The following TAF6 variants were observed in gnomAD, a reference collection of about 807,000 sequenced individuals.
The protein encoded by TAF6 is TATA-box binding protein associated factor 6.
In TAF6, 50 loss-of-function variants were observed where a neutral mutation model predicts 73.5. The ratio of observed to expected loss-of-function variants is 0.68; its 90% CI spans 0.54 to 0.86. The LOEUF (loss-of-function observed/expected upper bound fraction) is 0.86, where lower values mean the gene tolerates loss of function less well. TAF6 is among the 40% of genes least tolerant of loss of function. The probability of loss-of-function intolerance (pLI) is 0.00; values close to 1 mark genes in which losing one functional copy is unlikely to be tolerated. For synonymous variants in TAF6, 424 were observed against 376.7 expected, an observed-to-expected ratio of 1.13 and a Z score of -1.45; for missense variants, 768 against 899.5, an observed-to-expected ratio of 0.85 and a Z score of 1.87.
upstream of TAF6, chr7:100,119,361 T>C (rs1251015496): frequency 7.7e-6 from 8 of 1,043,100 alleles, no homozygotes; most frequent in Non-Finnish European, 8.1e-6. Context: ...CCCCGCCCCC[T>C]CGTGGGAGCA....
At chr7:100,112,974 G>A in intron 5 of TAF6, 57 bp from the exon 6 acceptor site, 1 of 1,569,514 alleles carries the variant, frequency 6.4e-7, no homozygotes, top group African/African-American at 1.4e-5. Flanking sequence ...AAAGTAAAAG[G>A]TGGGAGGAGG....
In TAF6 at chr7:100,113,717, C is replaced by A. The variant is rs768242335; in HGVS notation, c.296G>T (p.Gly99Val). 4 of 1,613,934 alleles carry A rather than the reference C, an allele frequency of 2.5e-6. No individual in the cohort carries two copies. Among genetic ancestry groups the A allele is most frequent in the African/African-American group, 2.7e-5 (2 of 74,860 alleles). ...ATAGAAGTAAAGCTCCCGGCCCCCA[C>A]CAGAGGCGAAGCGGAAAGGAATGAA... is the stretch of plus-strand genomic sequence containing the variant. ...QEFIPFRFAS[G>V]GGRELYFYEE... The change falls in exon 4 of 15, where the codon GGT becomes GTT. Residue 99 changes from glycine to valine, a missense_variant. By Grantham distance (109) the Gly-to-Val change is moderately radical. Coordinates refer to ENST00000453269, the MANE Select transcript of TAF6 (RefSeq NM_139315.3).
At chr7:100,114,364 G>T (rs569691228) in intron 1 of TAF6, 96 bp from the exon 2 acceptor site, 1 of 1,230,016 alleles carries the variant, frequency 8.1e-7, no homozygotes, top group South Asian at 1.3e-5. Flanking sequence ...GAGGAACTCC[G>T]AGTGTCTTAT....
rs913475711 is a variant in TAF6, at chr7:100,113,877, C to G, written c.234G>C (p.Lys78Asn). The G allele has an allele frequency of 1.6e-5, 25 of 1,612,592 alleles. No homozygotes were observed. Among genetic ancestry groups the G allele is most frequent in the East Asian group, 2.2e-5 (1 of 44,850 alleles). The change falls in exon 3 of 15, where the codon AAG becomes AAC. Residue 78 changes from lysine (K) to asparagine (N), a missense_variant. Physicochemically the swap from Lys to Asn is moderately conservative, Grantham distance 94. Transcript: ENST00000453269. ...TSDIDYALKL[K>N]NVEPLYGFHA... is the part of the protein sequence containing the mutation. ...TGTCTCCCCAAATCACCTCGACATT[C>G]TTTAGCTTCAAGGCGTAGTCAATGT...
the TAF6 span, among the ~76,000 whole-genome samples, chr7:100,126,241 C>T: frequency 2.0e-5 from 3 of 152,188 alleles, no homozygotes; most frequent in African/African-American, 7.2e-5. Flanking sequence ...ACTCGGGAGG[C>T]TGAGACAGGA....
Position 100,117,897 on chromosome 7 carries a change from G to A in TAF6, c.-60+1307C>T, listed in dbSNP as rs562952880. 2.0e-5 allele frequency among the ~76,000 whole-genome samples: 3 copies of A among 151,940 alleles called. No individual in the cohort carries two copies. In the East Asian group the frequency reaches 5.9e-4, roughly 30 times the overall value. ...CTCTACTAAAAAATAGAAAAAATTAGCCAGGCATGGTGGCAGGCACCTATA... is the reference window on the plus strand; with the variant it reads ...CTCTACTAAAAAATAGAAAAAATTAACCAGGCATGGTGGCAGGCACCTATA... On this transcript the variant is annotated intron_variant, in intron 1 of 14. Transcript: ENST00000453269.
Position 100,107,984 on chromosome 7 carries a change from G to A in TAF6, c.1598C>T (p.Pro533Leu), listed in dbSNP as rs1412178795. ...CATTACAATAAACTTGGTTGGAGGA[G>A]GGGAAGGCTGTGGTGGGGCAGCCGC... ...ARAAAPPQPSPPPTKFIVMSS... is the reference protein window; with the variant it reads ...ARAAAPPQPSLPPTKFIVMSS... Residue 533 changes from proline to leucine, a missense_variant, in exon 14 of 15, where the codon CCT becomes CTT. Around this residue, in one of 5 missense-constraint regions of TAF6, gnomAD observed 350 missense variants for 352.3 expected, o/e 0.99. Coordinates refer to ENST00000453269, the MANE Select transcript of TAF6 (RefSeq NM_139315.3). 6.2e-7 allele frequency: 1 copy of A among 1,614,072 alleles called. No homozygotes were observed. The highest frequency in any genetic ancestry group is 8.5e-7 in the Non-Finnish European group (1 of 1,180,000).
At chr7:100,119,612 C>G, upstream of TAF6, 1 of 1,570,408 alleles carries the variant, frequency 6.4e-7, no homozygotes, top group African/African-American at 1.4e-5. Flanking sequence ...CCTTGTTGGG[C>G]TGATCCTGCG....
intron 10 of TAF6, 144 bp downstream of exon 10, chr7:100,110,995 A>G (rs1310765536): frequency 5.4e-6 from 4 of 742,830 alleles, no homozygotes; most frequent in Middle Eastern, 4.2e-4. Flanking sequence ...AAAAAAAAAA[A>G]GGTATTACAG....
rs200872613 is a variant in TAF6, at chr7:100,112,216, G to T, written c.612C>A (p.Ala204=). The T allele has an allele frequency of 1.6e-5, 26 of 1,614,036 alleles. No homozygotes were observed. Among genetic ancestry groups the T allele is most frequent in the Non-Finnish European group, 2.0e-5 (24 of 1,180,028 alleles). ...TGCTCCGGGGCTTCAGTCGCAAGGG[G>T]GCCCCCTCCAGCAAGGGCGGCGCCT... ...EKKAPPLLEG[A]PLRLKPRSIH... Residue 204 remains alanine (A), a synonymous_variant, in exon 7 of 15, where the codon GCC becomes GCA. Transcript: ENST00000453269.
At position 100,112,889 on chromosome 7, in the gene TAF6, G is replaced by A. The variant is rs1228963818; in HGVS notation, c.483C>T (p.Ala161=). 8 of 1,613,574 alleles carry A rather than the reference G, an allele frequency of 5.0e-6. No individual in the cohort carries two copies. In the South Asian group the frequency reaches 8.8e-5, roughly 18 times the overall value. The change falls in exon 6 of 15, where the codon GCC becomes GCT. Residue 161 remains alanine (A), a synonymous_variant. Coordinates refer to ENST00000453269, the MANE Select transcript of TAF6 (RefSeq NM_139315.3). ...PAPKEQQKAE[A]TEPLKSAKPG... ...GCTTGGCTGACTTCAGGGGTTCTGTGGCTTCAGCCTTCTGTTGCTCTTTGG... is the reference window on the plus strand; with the variant it reads ...GCTTGGCTGACTTCAGGGGTTCTGTAGCTTCAGCCTTCTGTTGCTCTTTGG...
In TAF6 at chr7:100,113,423, G is replaced by A; in HGVS notation, c.398-18C>T. ...CCAATGAGCTGCAAGGAAGGCAGGT[G>A]TCAAGGTGAATTGCCACGCATGGAC... On this transcript the variant is annotated intron_variant, in intron 4 of 14. Transcript: ENST00000453269. The A allele has an allele frequency of 1.3e-6, 2 of 1,570,070 alleles. No homozygotes were observed. The highest frequency in any genetic ancestry group is 8.6e-7 in the Non-Finnish European group (1 of 1,157,976).
At chr7:100,118,955 C>A (rs1331161501) in intron 1 of TAF6, 4 of 985,284 alleles carry the variant, frequency 4.1e-6, no homozygotes, top group Non-Finnish European at 4.8e-6. Context: ...TCCTTCAATA[C>A]CCGGCGGTAC....
At chr7:100,108,566 A>G (rs1562921017) in intron 12 of TAF6, 26 bp from the exon 13 acceptor site, 1 of 1,576,144 alleles carries the variant, frequency 6.3e-7, no homozygotes, top group East Asian at 2.3e-5. Context: ...AAAGCCAGGT[A>G]GAGGGAGGGC....
At position 100,112,212 on chromosome 7, in the gene TAF6, A is replaced by C; in HGVS notation, c.616T>G (p.Leu206Val). The C allele has an allele frequency of 6.2e-7, 1 of 1,614,160 alleles. No homozygotes were observed. The highest frequency in any genetic ancestry group is 8.5e-7 in the Non-Finnish European group (1 of 1,180,018). Residue 206 changes from leucine to valine, a missense_variant, in exon 7 of 15, where the codon TTG becomes GTG. By Grantham distance (32) the Leu-to-Val change is conservative. Transcript: ENST00000453269. Reference protein sequence around the residue: ...KAPPLLEGAPLRLKPRSIHEL... With the variant: ...KAPPLLEGAPVRLKPRSIHEL... ...TGGATGCTCCGGGGCTTCAGTCGCA[A>C]GGGGGCCCCCTCCAGCAAGGGCGGC... is the stretch of plus-strand genomic sequence containing the variant.
chr7:100,110,832 A>G (rs1234604635), intron 10 of TAF6, among the ~76,000 whole-genome samples: 3 of 151,906 alleles, frequency 2.0e-5, no homozygotes, highest in Non-Finnish European at 4.4e-5. Flanking sequence ...AAACAAAAAA[A>G]TTAGCCAGTT....
Position 100,108,550 on chromosome 7 carries a change from A to G in TAF6, c.1285-10T>C. The stretch of plus-strand genomic sequence containing the variant: ...CAGGAGCACAGTGTTTCTGCAGAAC[A>G]GAAAAAAAGCCAGGTAGAGGGAGGG... On this transcript the variant is annotated splice_polypyrimidine_tract_variant and intron_variant, in intron 12 of 14. Coordinates refer to ENST00000453269, the MANE Select transcript of TAF6 (RefSeq NM_139315.3). The G allele has an allele frequency of 1.3e-6, 2 of 1,586,752 alleles. No homozygotes were observed. The highest frequency in any genetic ancestry group is 1.7e-6 in the Non-Finnish European group (2 of 1,161,010).
chr7:100,110,645 C>A (rs901959685), intron 10 of TAF6, among the ~76,000 whole-genome samples: 2 of 152,192 alleles, frequency 1.3e-5, no homozygotes, highest in African/African-American at 4.8e-5. Flanking sequence ...AACCCCGTCT[C>A]TACTAAAAAC....
chr7:100,108,221 C>T, intron 13 of TAF6, 98 bp from the exon 14 acceptor site: 2 of 1,462,378 alleles, frequency 1.4e-6, no homozygotes, highest in Non-Finnish European at 1.8e-6. Context: ...CTCAGTGGCT[C>T]TCACTAGGGC....
Sources: allele counts gnomAD v4.1 joint callset (sites outside exome capture counted in the v4.1 genomes callset), GRCh38; gene constraint gnomAD v4.1.1; regional missense constraint gnomAD v4.1.1; transcripts MANE v1.5; gene names NCBI Gene and HGNC (gene_info 2026-07-23, HGNC 2026-07-21).